NOL10: variants seen among roughly 807,000 people sequenced by gnomAD.
NOL10 encodes H_NH0074G24.1.
In NOL10, 58 loss-of-function variants were observed where a neutral mutation model predicts 103.5. That is an observed-to-expected ratio of 0.56 (90% confidence interval 0.45 to 0.70). NOL10 has a LOEUF of 0.70. Ranked by LOEUF, NOL10 falls within the 30% of genes least tolerant of loss-of-function variation. The probability of loss-of-function intolerance (pLI) is 0.00; values close to 1 mark genes in which losing one functional copy is unlikely to be tolerated. For synonymous variants in NOL10, 287 were observed against 282.5 expected, an observed-to-expected ratio of 1.02 and a Z score of -0.16; for missense variants, 763 against 807.3, an observed-to-expected ratio of 0.95 and a Z score of 0.67.
chr2:10,663,642 AT>A (rs1291212647), intron 8 of NOL10, among the ~76,000 whole-genome samples: 7 of 151,702 alleles, frequency 4.6e-5, no homozygotes, highest in African/African-American at 9.7e-5. Flanking sequence ...GCTGGGGAAA[AT>A]TTTTTTTAAT....
At position 10,596,260 on chromosome 2, in the gene NOL10, G is replaced by T. The variant is rs960279539; in HGVS notation, c.1422+4593C>A. 5.9e-5 allele frequency among the ~76,000 whole-genome samples: 8 copies of T among 136,144 alleles called. 2 individuals are homozygous for T. The highest frequency in any genetic ancestry group is 2.6e-4 in the East Asian group (1 of 3,848). The allele number at this position is 136,144 out of a possible 152,430, so 89.3% of individuals were successfully genotyped here. A position where few individuals can be genotyped will look rare whatever the true frequency, so the allele number is the denominator to read the frequency against. The stretch of plus-strand genomic sequence containing the variant: ...CAAGTTTTCCACAGATGGTGGTGGG[G>T]GGCGGGGGGCGGGCGCGAGGGAGTT... On this transcript the variant is annotated intron_variant, in intron 17 of 20. Transcript: ENST00000381685.
chr2:10,663,366 C>CA (rs35569218), intron 8 of NOL10, among the ~76,000 whole-genome samples: 76,410 of 125,240 alleles, frequency 0.61, 21,389 homozygotes, highest in East Asian at 0.66. Context: ...GACTTCGTCT[C>CA]AAAAAAAAAA....
At chr2:10,659,537 A>T (rs76121429) in intron 9 of NOL10, among the ~76,000 whole-genome samples, 1 of 150,424 alleles carries the variant, frequency 6.6e-6, no homozygotes, top group South Asian at 2.1e-4. Context: ...AAAAAAAAAT[A>T]GCCAGTTGTG....
intron 12 of NOL10, among the ~76,000 whole-genome samples, chr2:10,645,248 A>G (rs915313600): frequency 1.1e-4 from 17 of 152,220 alleles, no homozygotes; most frequent in Admixed American, 1.1e-3. Context: ...TTAAATAAAG[A>G]CTTCTACAGA....
At chr2:10,581,931 G>A (rs1281708995) in intron 19 of NOL10, among the ~76,000 whole-genome samples, 2 of 152,158 alleles carry the variant, frequency 1.3e-5, no homozygotes, top group Admixed American at 1.3e-4. Context: ...AAAGAGAGAA[G>A]TGTGGTGCAC....
chr2:10,671,437 C>T (rs1190331331), intron 6 of NOL10, 117 bp downstream of exon 6: 3 of 704,714 alleles, frequency 4.3e-6, no homozygotes, highest in Non-Finnish European at 6.1e-6. Flanking sequence ...ACAAGAGCCA[C>T]GTATCACTTT....
chr2:10,636,137 C>G lies in NOL10; in HGVS notation c.1026+8183G>C, dbSNP rs1346847704. On this transcript the variant is annotated intron_variant, in intron 13 of 20. Coordinates refer to ENST00000381685, the MANE Select transcript of NOL10 (RefSeq NM_024894.4). The stretch of plus-strand genomic sequence containing the variant: ...TCTTGGCCTCAAGTGATCTACCCGC[C>G]TCGGCCTCCCAAAGTGCTGGGATTA... Among the ~76,000 whole-genome samples, 45 of 152,350 alleles carry G rather than the reference C, an allele frequency of 3.0e-4. No individual in the cohort carries two copies. The Middle Eastern group carries it at 0.01, about 35-fold the overall frequency.
intron 9 of NOL10, among the ~76,000 whole-genome samples, chr2:10,662,140 T>C (rs1386884059): frequency 6.6e-6 from 1 of 152,232 alleles, no homozygotes; most frequent in African/African-American, 2.4e-5. Flanking sequence ...GACGAATATT[T>C]TTTTCATCTA....
chr2:10,599,022 A>T (rs1477733192), intron 17 of NOL10, among the ~76,000 whole-genome samples: 2 of 152,154 alleles, frequency 1.3e-5, no homozygotes, highest in Non-Finnish European at 2.9e-5. Context: ...ACCATCCTGC[A>T]CTATGGGGTA....
In NOL10 at chr2:10,601,057, ATTCT is replaced by A. The variant is rs1418476441; in HGVS notation, c.1333-119_1333-116del. ...TAATTTCATAAATAGGAGATAACTAATTCTTATTTTATTATTTTTTTTTTGAGAT... is the reference window on the plus strand; with the variant it reads ...TAATTTCATAAATAGGAGATAACTAATATTTTATTATTTTTTTTTTGAGAT... On this transcript the variant is annotated intron_variant, in intron 16 of 20. Coordinates refer to ENST00000381685, the MANE Select transcript of NOL10 (RefSeq NM_024894.4). 3 of 622,742 alleles carry A rather than the reference ATTCT, an allele frequency of 4.8e-6. No homozygotes were observed. In the Admixed American group the frequency reaches 1.0e-4, roughly 21 times the overall value. The allele number at this position is 622,742 out of a possible 1,614,324, so 38.6% of individuals were successfully genotyped here.
chr2:10,607,735 T>C (rs575440847), intron 13 of NOL10, among the ~76,000 whole-genome samples: 1 of 111,542 alleles, frequency 9.0e-6, no homozygotes, highest in African/African-American at 3.5e-5. Context: ...AAAATTACCT[T>C]TTTAAAAAAC....
intron 18 of NOL10, 84 bp from the exon 19 acceptor site, chr2:10,589,374 T>C: frequency 6.5e-7 from 1 of 1,544,588 alleles, no homozygotes; most frequent in South Asian, 1.2e-5. Context: ...CACTGGCCCA[T>C]TAATGAGTGC....
At chr2:10,630,465 C>G (rs150117965) in intron 13 of NOL10, among the ~76,000 whole-genome samples, 1 of 152,176 alleles carries the variant, frequency 6.6e-6, no homozygotes, top group Non-Finnish European at 1.5e-5. Context: ...ATAATCCCAG[C>G]ACTTTGGGAG....
At chr2:10,684,544 A>T (rs574717994) in intron 2 of NOL10, 23 bp downstream of exon 2, 61 of 1,557,138 alleles carry the variant, frequency 3.9e-5, no homozygotes, top group Non-Finnish European at 5.1e-5. Flanking sequence ...AACGCAGCTG[A>T]AGTGGGAAAA....
chr2:10,578,301 C>G (rs1396310779), intron 19 of NOL10, among the ~76,000 whole-genome samples: 1 of 152,180 alleles, frequency 6.6e-6, no homozygotes, highest in East Asian at 1.9e-4. Flanking sequence ...ACAGCATGAA[C>G]AGCTTGAAAC....
chr2:10,635,083 G>A (rs138120865), intron 13 of NOL10, among the ~76,000 whole-genome samples: 11 of 152,146 alleles, frequency 7.2e-5, no homozygotes, highest in Non-Finnish European at 1.6e-4. Context: ...CTTGGGATGA[G>A]ACCCAAGTCT....
intron 13 of NOL10, among the ~76,000 whole-genome samples, chr2:10,633,168 G>A (rs1395243556): frequency 1.3e-5 from 2 of 151,966 alleles, no homozygotes; most frequent in Admixed American, 6.6e-5. Context: ...TCCTTGGCTC[G>A]CGGGGTGAAT....
chr2:10,654,439 C>CT lies in NOL10; in HGVS notation c.973+41dup, dbSNP rs543896856. On this transcript the variant is annotated intron_variant, in intron 12 of 20. Transcript: ENST00000381685. The stretch of plus-strand genomic sequence containing the variant: ...ACTGAACGTTCACTACAGAATGCAT[C>CT]TTTTTATTTGTCTCACTGAACGTTC... The CT allele has an allele frequency of 2.8e-4, 387 of 1,366,550 alleles. 2 individuals carry two copies. The East Asian group carries it at 9.0e-3, about 32-fold the overall frequency. 84.7% of individuals were successfully genotyped at this position (1,366,550 alleles called of 1,614,324 possible). A position where few individuals can be genotyped will look rare whatever the true frequency, so the allele number is the denominator to read the frequency against.
At position 10,684,728 on chromosome 2, in the gene NOL10, A is replaced by G. The variant is rs1572450941; in HGVS notation, c.67-116T>C. 8.7e-6 allele frequency: 6 copies of G among 688,748 alleles called. No individual in the cohort carries two copies. In the East Asian group the frequency reaches 1.7e-4, roughly 19 times the overall value. 42.7% of individuals were successfully genotyped at this position (688,748 alleles called of 1,614,324 possible). ...TTCAAACTTCATAGGAATATATAAC[A>G]TAGGAAGCAAAAAATATTCTCTAAT... On this transcript the variant is annotated intron_variant, in intron 1 of 20. Transcript: ENST00000381685.
Sources: gnomAD v4.1 joint callset for allele counts (sites outside exome capture counted in the v4.1 genomes callset) on GRCh38, gnomAD v4.1.1 for gene constraint, MANE v1.5 for transcripts, NCBI Gene and HGNC (gene_info 2026-07-23, HGNC 2026-07-21) for gene names.